Variants in PIWIL4 observed in about 807,000 individuals in gnomAD.
PIWIL4 encodes the protein piwi-like protein 4.
In PIWIL4, 50 loss-of-function variants were observed where a neutral mutation model predicts 100.9. That is an observed-to-expected ratio of 0.50 (90% CI 0.39 to 0.63). The LOEUF is 0.63. Ranked by LOEUF, PIWIL4 falls within the 20% of genes least tolerant of loss-of-function variation. The pLI is 0.00. For missense variants in PIWIL4, 887 were observed against 1,043.3 expected, an observed-to-expected ratio of 0.85 and a Z score of 2.06; for synonymous variants, 342 against 367.5, an observed-to-expected ratio of 0.93 and a Z score of 0.79.
chr11:94,584,924 C>T (rs748386177), intron 5 of PIWIL4, among the ~76,000 whole-genome samples: 7 of 152,248 alleles, frequency 4.6e-5, no homozygotes, highest in South Asian at 2.1e-4. Context: ...ATTAGCCGGG[C>T]GTGGTGGCGC....
intron 11 of PIWIL4, 61 bp downstream of exon 11, chr11:94,597,976 G>C: frequency 7.6e-7 from 1 of 1,317,722 alleles, no homozygotes; most frequent in Non-Finnish European, 1.1e-6. Context: ...TAAGTTTTGT[G>C]CATTGGCCAG....
At chr11:94,619,438 A>C (rs565838309) in intron 17 of PIWIL4, among the ~76,000 whole-genome samples, 13 of 152,158 alleles carry the variant, frequency 8.5e-5, no homozygotes, top group African/African-American at 3.1e-4. Flanking sequence ...ACACACACAC[A>C]TCTTGTCTCC....
intron 12 of PIWIL4, among the ~76,000 whole-genome samples, chr11:94,603,159 CGAGAGT>C (rs1565280131): frequency 6.6e-6 from 1 of 151,878 alleles, no homozygotes; most frequent in African/African-American, 2.4e-5. Context: ...AGTCAGAGTG[CGAGAGT>C]TTGAATTGGA....
rs1948536996 is a variant in PIWIL4 at position 94,594,888 on chromosome 11, C to T, written c.1151-421C>T. Reference sequence around the variant, plus strand: ...TATTGTAGGTCTGCAGGACCCAATACAGTAGCCAGTAGCACATGAGTTTTT... The same window carrying T: ...TATTGTAGGTCTGCAGGACCCAATATAGTAGCCAGTAGCACATGAGTTTTT... On this transcript the variant is annotated intron_variant, in intron 9 of 19. Coordinates refer to ENST00000299001, the MANE Select transcript of PIWIL4 (RefSeq NM_152431.3). Among the ~76,000 whole-genome samples, 4 of 152,240 alleles carry T rather than the reference C, an allele frequency of 2.6e-5. No individual in the cohort carries two copies. In the South Asian group the frequency reaches 8.3e-4, roughly 32 times the overall value.
Position 94,604,047 on chromosome 11 carries a change from T to G in PIWIL4, c.1629T>G (p.Asp543Glu). The change falls in exon 13 of 20, where the codon GAT (aspartate) becomes GAG (glutamate). Residue 543 changes from aspartate (D) to glutamate (E), a missense_variant. By Grantham distance (45) the Asp-to-Glu change is conservative (BLOSUM62 2). Coordinates refer to ENST00000299001, the MANE Select transcript of PIWIL4 (RefSeq NM_152431.3). ...CTATACAGCAATATGTTGATCCTGA[T>G]GTTCAGCTGGTAAGTACAGGATACT... ...VRAIQQYVDP[D>E]VQLVMCILPS... 1.2e-6 allele frequency: 2 copies of G among 1,602,328 alleles called. No homozygotes were observed. The highest frequency in any genetic ancestry group is 1.7e-6 in the Non-Finnish European group (2 of 1,171,994).
chr11:94,610,850 C>T (rs913669053), intron 15 of PIWIL4, among the ~76,000 whole-genome samples: 1 of 152,092 alleles, frequency 6.6e-6, no homozygotes, highest in Non-Finnish European at 1.5e-5. Context: ...TTCAGAAAAT[C>T]ATTGCCAAGA....
intron 3 of PIWIL4, 77 bp downstream of exon 3, chr11:94,575,207 T>TA: frequency 7.0e-7 from 1 of 1,430,376 alleles, no homozygotes; most frequent in Non-Finnish European, 9.7e-7. Flanking sequence ...AGGTCTAAAA[T>TA]AAATAAGTTC....
intron 13 of PIWIL4, among the ~76,000 whole-genome samples, chr11:94,606,864 A>ACTT (rs1948726823): frequency 6.6e-6 from 1 of 151,244 alleles, no homozygotes; most frequent in African/African-American, 2.4e-5. Flanking sequence ...GGGACTTGAA[A>ACTT]CTTCTCTATC....
intron 8 of PIWIL4, among the ~76,000 whole-genome samples, chr11:94,593,094 C>T (rs1385504475): frequency 6.6e-6 from 1 of 152,114 alleles, no homozygotes; most frequent in Non-Finnish European, 1.5e-5. Flanking sequence ...CAATATAACT[C>T]GCCTCCAGCT....
intron 10 of PIWIL4, 87 bp from the exon 11 acceptor site, chr11:94,597,717 C>G (rs1008893856): frequency 2.2e-6 from 2 of 895,904 alleles, no homozygotes; most frequent in African/African-American, 3.4e-5. Flanking sequence ...GCCAGGAATC[C>G]TGAAGACACA....
At chr11:94,600,807 A>T (rs1341958361) in intron 11 of PIWIL4, among the ~76,000 whole-genome samples, 1 of 152,146 alleles carries the variant, frequency 6.6e-6, no homozygotes, top group East Asian at 1.9e-4. Context: ...CCAGGCGTGC[A>T]TTCTCTTTCT....
chr11:94,584,290 C>G (rs1455240377), intron 5 of PIWIL4, among the ~76,000 whole-genome samples: 2 of 152,192 alleles, frequency 1.3e-5, no homozygotes, highest in African/African-American at 4.8e-5. Context: ...CAGGCAAGTT[C>G]TTTGTTCAAC....
At chr11:94,568,654 C>T in intron 1 of PIWIL4, 76 bp from the exon 2 acceptor site, 1 of 1,137,790 alleles carries the variant, frequency 8.8e-7, no homozygotes, top group South Asian at 1.3e-5. Flanking sequence ...AAAGACCTGA[C>T]ACTGTTCTTA....
At chr11:94,601,668 GT>G in intron 11 of PIWIL4, 126 bp from the exon 12 acceptor site, 1 of 913,464 alleles carries the variant, frequency 1.1e-6, no homozygotes, top group Admixed American at 2.1e-5. Flanking sequence ...CTGCATCTGT[GT>G]TTTAAGACTG....
Position 94,583,674 on chromosome 11 carries a change from G to A in PIWIL4, c.635+105G>A. 5 of 1,475,714 alleles carry A rather than the reference G, an allele frequency of 3.4e-6. No individual in the cohort carries two copies. In the South Asian group the frequency reaches 6.1e-5, roughly 18 times the overall value. 91.4% of individuals were successfully genotyped at this position (1,475,714 alleles called of 1,614,324 possible). ...ATTTTGTAGGCAGTGTGCCAGCAGT[G>A]ATGCCACCGTTAGGGCAATTTCTCA... On this transcript the variant is annotated intron_variant, in intron 5 of 19. Coordinates refer to ENST00000299001, the MANE Select transcript of PIWIL4 (RefSeq NM_152431.3).
chr11:94,586,863 T>C (rs188945200), intron 6 of PIWIL4, among the ~76,000 whole-genome samples, 187 bp from the exon 7 acceptor site: 1 of 152,258 alleles, frequency 6.6e-6, no homozygotes, highest in East Asian at 1.9e-4. Context: ...TTATCCTAAA[T>C]GTATGCTTAA....
chr11:94,596,314 C>T (rs558051047), intron 10 of PIWIL4, among the ~76,000 whole-genome samples: 57 of 149,702 alleles, frequency 3.8e-4, no homozygotes, highest in African/African-American at 1.4e-3. Context: ...TGGAAACTTA[C>T]GTAGCACAAA....
At chr11:94,609,981 A>G (rs1224051040) in intron 15 of PIWIL4, among the ~76,000 whole-genome samples, 1 of 152,112 alleles carries the variant, frequency 6.6e-6, no homozygotes, top group African/African-American at 2.4e-5. Flanking sequence ...CATTGTGTCC[A>G]AAACATATTC....
chr11:94,589,612 C>T (rs1340048086), intron 8 of PIWIL4, among the ~76,000 whole-genome samples: 1 of 152,196 alleles, frequency 6.6e-6, no homozygotes, highest in African/African-American at 2.4e-5. Context: ...CTGCTCCCTT[C>T]CCTGGCTCTG....
Sources: gnomAD v4.1 joint callset for allele counts (sites outside exome capture counted in the v4.1 genomes callset) on GRCh38, gnomAD v4.1.1 for gene constraint, MANE v1.5 for transcripts, NCBI Gene and HGNC (gene_info 2026-07-23, HGNC 2026-07-21) for gene names.